SLC25A48: variants seen among roughly 807,000 people sequenced by gnomAD.
The protein encoded by SLC25A48 is solute carrier family 25 member 48.
In SLC25A48, 29 loss-of-function variants were observed where a neutral mutation model predicts 32.2. The observed-to-expected ratio is 0.90, with a 90% confidence interval of 0.67 to 1.23. The LOEUF (loss-of-function observed/expected upper bound fraction) is 1.23. SLC25A48 is among the 50% of genes most tolerant of loss of function. SLC25A48 has a pLI of 0.00. For synonymous variants in SLC25A48, 164 were observed against 172.3 expected (o/e 0.95, Z 0.38); for missense variants, 399 against 422.7 (o/e 0.94, Z 0.49).
Position 135,826,204 on chromosome 5 carries a change from C to T in SLC25A48, c.-117+13278C>T, listed in dbSNP as rs181633220. Among the ~76,000 whole-genome samples the T allele has an allele frequency of 3.1e-4, 47 of 152,222 alleles. 1 individual carries two copies. The East Asian group carries it at 8.9e-3, about 29-fold the overall frequency. On this transcript the variant is annotated intron_variant, in intron 4 of 10. Coordinates refer to the SLC25A48 transcript ENST00000646290. ...GCCCCTCTCAGCCCACCAGGCTGCT[C>T]CCTGCCAGCATGAGGTGTCCCACTC... is the stretch of plus-strand genomic sequence containing the variant.
At chr5:135,633,101 G>C (rs566547566) in intron 2 of SLC25A48, among the ~76,000 whole-genome samples, 1 of 152,286 alleles carries the variant, frequency 6.6e-6, no homozygotes, top group South Asian at 2.1e-4. Context: ...TCAAGTGGGG[G>C]AGGGCAGCCA....
chr5:135,802,950 C>G (rs1235772486), intron 3 of SLC25A48: 1 of 150,928 alleles, frequency 6.6e-6, no homozygotes, highest in East Asian at 2.0e-4. Context: ...TTCATAATAT[C>G]CTAGAAAGAT....
rs577598212 is a variant in SLC25A48 at position 135,685,560 on chromosome 5, G to A, written c.-521+50604G>A. ...CAATTCTCATACCTCGGCCTCCTGA[G>A]TAGCTGGGATTACAGGCACGTGCCA... is the stretch of plus-strand genomic sequence containing the variant. On this transcript the variant is annotated intron_variant, in intron 3 of 10. Coordinates refer to the SLC25A48 transcript ENST00000646290. Among the ~76,000 whole-genome samples, 34 of 151,750 alleles carry A rather than the reference G, an allele frequency of 2.2e-4. No homozygotes were observed. The South Asian group carries it at 6.7e-3, about 30-fold the overall frequency.
chr5:135,741,932 G>A (rs925762816), intron 3 of SLC25A48, among the ~76,000 whole-genome samples: 1 of 152,154 alleles, frequency 6.6e-6, no homozygotes, highest in Admixed American at 6.5e-5. Flanking sequence ...AAGGAGAGAT[G>A]TACATCTGCT....
chr5:135,630,754 A>ACCAAG (rs1752542388), intron 2 of SLC25A48, among the ~76,000 whole-genome samples: 1 of 151,786 alleles, frequency 6.6e-6, no homozygotes, highest in South Asian at 2.1e-4. Context: ...GGTGCCTGCC[A>ACCAAG]CCAAGCCTGG....
intron 1 of SLC25A48, among the ~76,000 whole-genome samples, chr5:135,601,967 C>G (rs545784971): frequency 6.6e-6 from 1 of 152,324 alleles, no homozygotes; most frequent in East Asian, 1.9e-4. Flanking sequence ...TGAGGAATAA[C>G]TTCAATGTTA....
intron 1 of SLC25A48, among the ~76,000 whole-genome samples, chr5:135,594,599 TG>T (rs35610214): frequency 1.3e-5 from 2 of 152,116 alleles, no homozygotes; most frequent in African/African-American, 2.4e-5. Flanking sequence ...TGGACAGTGT[TG>T]GGGGGTCATG....
intron 1 of SLC25A48, among the ~76,000 whole-genome samples, chr5:135,587,221 G>A (rs375071023): frequency 7.2e-5 from 11 of 152,060 alleles, no homozygotes; most frequent in South Asian, 2.1e-4. Flanking sequence ...TTGTAGAGAC[G>A]GGGATCTCAC....
intron 1 of SLC25A48, among the ~76,000 whole-genome samples, chr5:135,589,000 T>A (rs1270239029): frequency 6.6e-6 from 1 of 152,142 alleles, no homozygotes; most frequent in Non-Finnish European, 1.5e-5. Flanking sequence ...CAGTACAGCA[T>A]CACTGAAGAG....
chr5:135,639,308 A>T (rs896365143), intron 3 of SLC25A48, among the ~76,000 whole-genome samples: 3 of 152,244 alleles, frequency 2.0e-5, no homozygotes, highest in African/African-American at 4.8e-5. Context: ...TCAGTCTCAC[A>T]GCTCTTATGT....
At chr5:135,650,225 G>A in intron 3 of SLC25A48, 1 of 328,274 alleles carries the variant, frequency 3.0e-6, no homozygotes, top group East Asian at 1.0e-4. Context: ...TGTATTCTCT[G>A]GCCTGTGTCA....
intron 1 of SLC25A48, among the ~76,000 whole-genome samples, chr5:135,587,182 C>A (rs1202780217): frequency 6.6e-6 from 1 of 152,122 alleles, no homozygotes. Context: ...AGGCACATGC[C>A]ACTACCCTTG....
intron 4 of SLC25A48, among the ~76,000 whole-genome samples, chr5:135,813,917 T>C (rs1213025246): frequency 6.6e-6 from 1 of 151,250 alleles, no homozygotes; most frequent in African/African-American, 2.4e-5. Context: ...GGGTGATGAG[T>C]GGTTGGAGAC....
At chr5:135,813,011 TA>T (rs1459486984) in intron 4 of SLC25A48, 1 of 152,278 alleles carries the variant, frequency 6.6e-6, no homozygotes, top group Non-Finnish European at 1.5e-5. Flanking sequence ...CCAAGCCCCG[TA>T]AAACTCAAGC....
At chr5:135,736,368 G>A (rs911783155) in intron 3 of SLC25A48, among the ~76,000 whole-genome samples, 10 of 152,158 alleles carry the variant, frequency 6.6e-5, no homozygotes, top group Non-Finnish European at 1.0e-4. Flanking sequence ...GGGGCCAAGC[G>A]GTGTTGCAGA....
At chr5:135,822,411 AGTT>A (rs1193304059) in intron 4 of SLC25A48, among the ~76,000 whole-genome samples, 1 of 152,190 alleles carries the variant, frequency 6.6e-6, no homozygotes, top group East Asian at 1.9e-4. Flanking sequence ...GTGTCGGCAG[AGTT>A]GTTTTCTTCT....
At chr5:135,841,706 T>TGGG (rs751175583) in intron 1 of SLC25A48, among the ~76,000 whole-genome samples, 4 of 145,474 alleles carry the variant, frequency 2.7e-5, no homozygotes, top group African/African-American at 9.8e-5. Flanking sequence ...AGGAGATGTG[T>TGGG]GGGTGGGGGG....
chr5:135,880,241 T>A, intron 7 of SLC25A48, 144 bp downstream of exon 7: 1 of 1,203,210 alleles, frequency 8.3e-7, no homozygotes, highest in Non-Finnish European at 1.1e-6. Flanking sequence ...GCTGCCACCC[T>A]TTTCGTCACC....
At chr5:135,657,290 A>G (rs1189336125) in intron 3 of SLC25A48, among the ~76,000 whole-genome samples, 1 of 152,130 alleles carries the variant, frequency 6.6e-6, no homozygotes, top group Non-Finnish European at 1.5e-5. Flanking sequence ...TTTTCAGTTT[A>G]CTCTTCTACT....
Sources: allele counts gnomAD v4.1 joint callset (sites outside exome capture counted in the v4.1 genomes callset), GRCh38; gene constraint gnomAD v4.1.1; transcripts MANE v1.5; gene names NCBI Gene and HGNC (gene_info 2026-07-23, HGNC 2026-07-21).